NLRP11: variants seen among roughly 807,000 people sequenced by gnomAD.
NLRP11 encodes NLR family pyrin domain containing 11, also known as NACHT, LRR and PYD domains-containing protein 11.
A neutral mutation model predicts 79.3 loss-of-function variants in NLRP11; 53 were observed. The observed-to-expected ratio is 0.67, with a 90% CI of 0.54 to 0.84. The LOEUF is 0.84. Ranked by LOEUF, NLRP11 falls within the 40% of genes least tolerant of loss-of-function variation. The pLI is 0.00. For synonymous variants in NLRP11, 518 were observed against 462.6 expected (o/e 1.12, Z -1.54); for missense variants, 1,264 against 1,255.0 (o/e 1.01, Z -0.11).
At chr19:55,804,094 ATGTATATATATATATG>A (rs1979745096) in intron 4 of NLRP11, among the ~76,000 whole-genome samples, 1 of 148,202 alleles carries the variant, frequency 6.7e-6, no homozygotes, top group Admixed American at 6.9e-5. Context: ...AAAACAAATT[ATGTATATATATATATG>A]TGTGTGTGTG....
chr19:55,790,732 C>G (rs1990187381), intron 7 of NLRP11, among the ~76,000 whole-genome samples: 1 of 152,208 alleles, frequency 6.6e-6, no homozygotes, highest in African/African-American at 2.4e-5. Flanking sequence ...GAGGCTGAGA[C>G]AGAAGGATCA....
chr19:55,828,238 A>G (rs1466208049), intron 1 of NLRP11, among the ~76,000 whole-genome samples: 6 of 141,972 alleles, frequency 4.2e-5, no homozygotes, highest in South Asian at 2.4e-4. Context: ...GACACAGGAA[A>G]GGGAATATCA....
At chr19:55,811,504 G>A (rs563772746) in intron 2 of NLRP11, among the ~76,000 whole-genome samples, 23 of 152,226 alleles carry the variant, frequency 1.5e-4, no homozygotes, top group African/African-American at 5.3e-4. Context: ...GGACCTGAAT[G>A]TACTGGAATG....
intron 5 of NLRP11, among the ~76,000 whole-genome samples, chr19:55,797,244 A>G (rs1443870288): frequency 6.6e-6 from 1 of 152,106 alleles, no homozygotes; most frequent in African/African-American, 2.4e-5. Context: ...GGCTGCAGTG[A>G]GCTATGATCA....
intron 4 of NLRP11, among the ~76,000 whole-genome samples, chr19:55,807,240 T>A (rs1980083771): frequency 6.6e-6 from 1 of 152,162 alleles, no homozygotes; most frequent in Non-Finnish European, 1.5e-5. Context: ...ATCATATATG[T>A]TGATGTGTAC....
At chr19:55,836,476 C>A (rs1195026423), upstream of NLRP11, 1 of 152,200 alleles carries the variant, frequency 6.6e-6, no homozygotes, top group African/African-American at 2.4e-5. Context: ...GGCAAGGGAG[C>A]AATTCGTTGG....
At chr19:55,829,131 GTT>G (rs1319958464) in intron 1 of NLRP11, among the ~76,000 whole-genome samples, 3 of 151,720 alleles carry the variant, frequency 2.0e-5, no homozygotes, top group African/African-American at 7.3e-5. Flanking sequence ...GTAAAACAGT[GTT>G]TTGCCTTTTG....
At chr19:55,801,326 T>A (rs1260194185) in intron 5 of NLRP11, 2 of 468,350 alleles carry the variant, frequency 4.3e-6, no homozygotes, top group Non-Finnish European at 7.7e-6. Context: ...CCAGAGGAAT[T>A]AGATCATTAG....
intron 2 of NLRP11, among the ~76,000 whole-genome samples, chr19:55,815,528 CAAA>C (rs11343133): frequency 2.3e-4 from 21 of 92,824 alleles, no homozygotes; most frequent in South Asian, 3.8e-4. Context: ...GACTCCATCT[CAAA>C]AAAAAAAAAA....
intron 4 of NLRP11, among the ~76,000 whole-genome samples, chr19:55,802,369 T>C (rs900996887): frequency 4.6e-5 from 7 of 152,176 alleles, no homozygotes; most frequent in Admixed American, 1.3e-4. Flanking sequence ...AGCATTCCTA[T>C]ACACCAACGA....
chr19:55,796,356 C>A, intron 5 of NLRP11, 106 bp from the exon 6 acceptor site: 2 of 885,346 alleles, frequency 2.3e-6, no homozygotes, highest in South Asian at 1.8e-5. Flanking sequence ...GCGATGATGT[C>A]TACTTGGAAA....
chr19:55,796,235 A>G (rs955125400), exon 6 of NLRP11: 7 of 1,613,116 alleles, frequency 4.3e-6, no homozygotes, highest in Non-Finnish European at 5.9e-6. Context: ...TGGCTCGCAA[A>G]TCACATTTCA....
In NLRP11 at chr19:55,801,744, G is replaced by A; in HGVS notation, c.2004-5C>T. On this transcript the variant is annotated splice_polypyrimidine_tract_variant and splice_region_variant and intron_variant, in intron 4 of 9. Transcript: ENST00000589093. ...GCAGTCGAGACATAGGACAACCTGT[G>A]GAAGACATAATAGCAGGAAAGCACT... The A allele has an allele frequency of 1.2e-6, 2 of 1,613,674 alleles. No individual in the cohort carries two copies. The highest frequency in any genetic ancestry group is 1.3e-5 in the African/African-American group (1 of 75,016).
chr19:55,834,177 T>C (rs1983039177), upstream of NLRP11, among the ~76,000 whole-genome samples: 1 of 152,210 alleles, frequency 6.6e-6, no homozygotes, highest in South Asian at 2.1e-4. Flanking sequence ...CTTCAGTGAA[T>C]GGTTCTTATA....
chr19:55,821,250 C>CACACACA (rs1407880955), intron 1 of NLRP11, among the ~76,000 whole-genome samples: 1 of 102,490 alleles, frequency 9.8e-6, no homozygotes, highest in Non-Finnish European at 2.1e-5. Flanking sequence ...CACACACACA[C>CACACACA]CCCAAGCACT....
At chr19:55,823,038 G>A (rs1289645637) in intron 1 of NLRP11, among the ~76,000 whole-genome samples, 676 of 131,914 alleles carry the variant, frequency 5.1e-3, no homozygotes, top group African/African-American at 0.012. Context: ...AGAGAGCAGT[G>A]GTTCTCCCAG....
At chr19:55,801,286 G>A (rs1182011491) in intron 5 of NLRP11, 1 of 312,786 alleles carries the variant, frequency 3.2e-6, no homozygotes, top group Non-Finnish European at 5.9e-6. Context: ...CAGTGTTTTA[G>A]GGTTTGACCA....
At chr19:55,806,755 T>C (rs1980035815) in intron 4 of NLRP11, among the ~76,000 whole-genome samples, 1 of 152,168 alleles carries the variant, frequency 6.6e-6, no homozygotes, top group Non-Finnish European at 1.5e-5. Context: ...TACAACACCA[T>C]GATCATGCCA....
intron 4 of NLRP11, among the ~76,000 whole-genome samples, chr19:55,804,664 C>T (rs1979811806): frequency 6.6e-6 from 1 of 151,984 alleles, no homozygotes; most frequent in Non-Finnish European, 1.5e-5. Context: ...AGTAGCTGGG[C>T]GTACAGTCTT....
Sources: gnomAD v4.1 joint callset for allele counts (sites outside exome capture counted in the v4.1 genomes callset) on GRCh38, gnomAD v4.1.1 for gene constraint, MANE v1.5 for transcripts, NCBI Gene and HGNC (gene_info 2026-07-23, HGNC 2026-07-21) for gene names.